KRT86: variants seen among roughly 807,000 people sequenced by gnomAD.
The protein encoded by KRT86 is keratin, type II cuticular Hb6.
In KRT86, 30 loss-of-function variants were observed where a neutral mutation model predicts 41.2. The ratio of observed to expected loss-of-function variants is 0.73; its 90% CI spans 0.54 to 0.99. The LOEUF (loss-of-function observed/expected upper bound fraction) is 0.99. Among genes scored for constraint, KRT86 ranks in the 50% least tolerant of loss-of-function variants. The pLI is 0.00. For synonymous variants in KRT86, 238 were observed against 238.1 expected (o/e 1.00, Z 0.00); for missense variants, 561 against 571.4 (o/e 0.98, Z 0.19).
At chr12:52,305,138 G>C (rs1346089692) in intron 6 of KRT86, 102 bp from the exon 7 acceptor site, 9 of 1,607,326 alleles carry the variant, frequency 5.6e-6, no homozygotes, top group South Asian at 1.1e-5. Context: ...GGCTGTGTGA[G>C]GGGGCAGGGT....
chr12:52,287,883 T>A, intron 2 of KRT86: 1 of 1,607,026 alleles, frequency 6.2e-7, no homozygotes, highest in East Asian at 2.2e-5. Context: ...TCTCTTCTCA[T>A]CCCTAGGGAC....
chr12:52,300,012 C>T (rs1592434355), intron 2 of KRT86, among the ~76,000 whole-genome samples: 1 of 152,172 alleles, frequency 6.6e-6, no homozygotes, highest in East Asian at 1.9e-4. Context: ...ATCAAGAAAT[C>T]TTTGTCCAGG....
intron 2 of KRT86, among the ~76,000 whole-genome samples, chr12:52,278,397 G>A (rs920686489): frequency 1.9e-4 from 29 of 151,226 alleles, no homozygotes; most frequent in Non-Finnish European, 2.2e-4. Flanking sequence ...GTTCCCTCAC[G>A]GTCTCACCTT....
intron 7 of KRT86, 115 bp downstream of exon 7, chr12:52,305,519 C>T: frequency 1.3e-6 from 2 of 1,598,862 alleles, no homozygotes; most frequent in African/African-American, 1.3e-5. Context: ...AGATGGCTGC[C>T]ACTCTGATGT....
chr12:52,279,606 T>C (rs1937726227), intron 2 of KRT86, among the ~76,000 whole-genome samples: 1 of 152,174 alleles, frequency 6.6e-6, no homozygotes, highest in South Asian at 2.1e-4. Flanking sequence ...CAAACCTGGC[T>C]GCGGTGGAGG....
Position 52,308,811 on chromosome 12 carries a change from A to C in KRT86, c.*226A>C, listed in dbSNP as rs945567973. On this transcript the variant is annotated 3_prime_UTR_variant, in exon 11 of 11. Coordinates refer to ENST00000423955, the MANE Select transcript of KRT86 (RefSeq NM_001320198.2). ...CTCTCTGTAGCCTTTCCTGGTAGTC[A>C]ATTTGTTGTCCCGAGGATTCATCTT... is the stretch of plus-strand genomic sequence containing the variant. 1.2e-5 allele frequency: 7 copies of C among 573,900 alleles called. No homozygotes were observed. Among genetic ancestry groups the C allele is most frequent in the Middle Eastern group, 4.6e-4 (1 of 2,176 alleles). The allele number at this position is 573,900 out of a possible 1,614,324, so 35.6% of individuals were successfully genotyped here.
intron 2 of KRT86, among the ~76,000 whole-genome samples, chr12:52,278,217 T>C (rs909577388): frequency 2.0e-5 from 3 of 151,980 alleles, no homozygotes; most frequent in African/African-American, 7.3e-5. Flanking sequence ...GCATATTGCA[T>C]TGATCACCTC....
chr12:52,283,146 A>C (rs1310239381), intron 2 of KRT86, among the ~76,000 whole-genome samples: 1 of 152,128 alleles, frequency 6.6e-6, no homozygotes, highest in Non-Finnish European at 1.5e-5. Context: ...CTGTAATCCC[A>C]GCACTTTGGG....
At chr12:52,300,305 G>A (rs920762370) in intron 2 of KRT86, among the ~76,000 whole-genome samples, 1 of 152,176 alleles carries the variant, frequency 6.6e-6, no homozygotes, top group Non-Finnish European at 1.5e-5. Flanking sequence ...TACTCTATTT[G>A]ATTTTCTCAT....
intron 2 of KRT86, among the ~76,000 whole-genome samples, chr12:52,297,074 T>C (rs1592432352): frequency 6.6e-6 from 1 of 152,230 alleles, no homozygotes; most frequent in African/African-American, 2.4e-5. Context: ...ACTAGCCCTG[T>C]CTCATTGTCT....
At position 52,282,496 on chromosome 12, in the gene KRT86, A is replaced by G. The variant is rs185630420; in HGVS notation, c.-5+6550A>G. Among the ~76,000 whole-genome samples the G allele has an allele frequency of 6.2e-4, 94 of 152,298 alleles. 1 individual carries two copies. Among genetic ancestry groups the G allele is most frequent in the African/African-American group, 2.2e-3 (92 of 41,576 alleles). ...CGTGATCCGCCCGCCTCAGCCTCCC[A>G]AAGTGCTGGGATTACAGGCGTGAGC... On this transcript the variant is annotated intron_variant, in intron 2 of 10. Transcript: ENST00000423955.
At chr12:52,285,995 T>C (rs1302315985) in intron 2 of KRT86, 13 of 536,664 alleles carry the variant, frequency 2.4e-5, no homozygotes, top group Non-Finnish European at 4.0e-5. Context: ...GTGGGCAAGG[T>C]TCTGGTCCTG....
chr12:52,278,992 T>G (rs950587544), intron 2 of KRT86: 1 of 152,416 alleles, frequency 6.6e-6, no homozygotes, highest in African/African-American at 2.4e-5. Flanking sequence ...GAGGAGGGTC[T>G]GTGTATCTGG....
In KRT86 at chr12:52,305,766, A is replaced by T; in HGVS notation, c.1004A>T (p.Glu335Val). 6.2e-7 allele frequency: 1 copy of T among 1,613,988 alleles called. No homozygotes were observed. Among genetic ancestry groups the T allele is most frequent in the Non-Finnish European group, 8.5e-7 (1 of 1,179,864 alleles). Residue 335 changes from glutamate (E) to valine (V), a missense_variant, in exon 8 of 11, where the codon GAG (glutamate) becomes GTG (valine). Coordinates refer to ENST00000423955, the MANE Select transcript of KRT86 (RefSeq NM_001320198.2). The part of the protein sequence containing the change: ...LNRMIQRLTA[E>V]VENAKCQNSK... ...CGCATGATCCAGAGGCTGACGGCTG[A>T]GGTGGAGAATGCCAAGTGCCAGGTA...
intron 2 of KRT86, chr12:52,286,863 C>T: frequency 6.2e-7 from 1 of 1,611,294 alleles, no homozygotes; most frequent in Non-Finnish European, 8.5e-7. Context: ...GTGACTGCCC[C>T]AGAGTGGCTG....
intron 2 of KRT86, chr12:52,286,866 A>G: frequency 6.2e-7 from 1 of 1,610,796 alleles, no homozygotes; most frequent in East Asian, 2.2e-5. Flanking sequence ...ACTGCCCCAG[A>G]GTGGCTGAAA....
chr12:52,288,795 C>T (rs1388277918), intron 2 of KRT86, among the ~76,000 whole-genome samples: 2 of 152,098 alleles, frequency 1.3e-5, no homozygotes, highest in African/African-American at 4.8e-5. Context: ...CTCCAAGAGC[C>T]CAGTGGCTGC....
At chr12:52,281,781 C>T (rs988385444) in intron 2 of KRT86, among the ~76,000 whole-genome samples, 2 of 152,104 alleles carry the variant, frequency 1.3e-5, no homozygotes, top group Non-Finnish European at 2.9e-5. Context: ...CTCTATCACC[C>T]AGGCTAGAGT....
At chr12:52,286,627 T>G in intron 2 of KRT86, 2 of 1,192,346 alleles carry the variant, frequency 1.7e-6, no homozygotes, top group East Asian at 5.1e-5. Context: ...TAGGTCCATC[T>G]AGTCCAAGAG....
Sources: allele counts gnomAD v4.1 joint callset (sites outside exome capture counted in the v4.1 genomes callset), GRCh38; gene constraint gnomAD v4.1.1; transcripts MANE v1.5; gene names NCBI Gene and HGNC (gene_info 2026-07-23, HGNC 2026-07-21).